The following AATF variants were observed in gnomAD, a reference collection of about 807,000 sequenced individuals.
The protein encoded by AATF is apoptosis antagonizing transcription factor, also known as protein AATF.
AATF carries 48 observed loss-of-function variants against 63.7 expected under a neutral mutation model. The observed-to-expected ratio is 0.75, with a 90% CI of 0.60 to 0.96. AATF has a LOEUF of 0.96. Among genes scored for constraint, AATF ranks in the 40% least tolerant of loss-of-function variants. The pLI, the probability that AATF is intolerant of heterozygous loss-of-function variation, is 0.00. For missense variants in AATF, 639 were observed against 685.7 expected, an observed-to-expected ratio of 0.93 and a Z score of 0.76; for synonymous variants, 258 against 247.7, an observed-to-expected ratio of 1.04 and a Z score of -0.39.
chr17:37,011,867 T>C (rs149729347), intron 8 of AATF, among the ~76,000 whole-genome samples: 2 of 152,236 alleles, frequency 1.3e-5, no homozygotes, highest in African/African-American at 4.8e-5. Flanking sequence ...GGTGGAGTTG[T>C]TGGTTCGGGA....
At chr17:37,039,531 A>G (rs2142310778) in intron 11 of AATF, among the ~76,000 whole-genome samples, 1 of 152,320 alleles carries the variant, frequency 6.6e-6, no homozygotes, top group Non-Finnish European at 1.5e-5. Context: ...ACAGCTTTGC[A>G]TTAACTCGGA....
At chr17:36,986,483 G>A (rs2071169634) in intron 4 of AATF, 134 bp from the exon 5 acceptor site, 1 of 667,936 alleles carries the variant, frequency 1.5e-6, no homozygotes, top group Non-Finnish European at 2.7e-6. Context: ...AGAGTATTTA[G>A]TTCCTGTGTG....
At chr17:37,037,602 G>A (rs901900348) in intron 11 of AATF, among the ~76,000 whole-genome samples, 1 of 152,176 alleles carries the variant, frequency 6.6e-6, no homozygotes, top group Non-Finnish European at 1.5e-5. Flanking sequence ...GGAGTATGAT[G>A]TGACCATTAA....
intron 11 of AATF, among the ~76,000 whole-genome samples, chr17:37,035,160 A>C (rs1181305834): frequency 6.6e-6 from 1 of 151,948 alleles, no homozygotes; most frequent in African/African-American, 2.4e-5. Context: ...TTCAAGGGCC[A>C]AAAACCATAA....
intron 4 of AATF, 28 bp from the exon 5 acceptor site, chr17:36,986,589 T>C: frequency 6.4e-7 from 1 of 1,571,300 alleles, no homozygotes; most frequent in Non-Finnish European, 8.8e-7. Context: ...GATAATTAAT[T>C]GTCCTTTCTC....
intron 4 of AATF, among the ~76,000 whole-genome samples, chr17:36,968,266 C>CTTTTTTTTTTTTTTTTTTTT (rs2071009164): frequency 4.0e-5 from 3 of 75,570 alleles, no homozygotes; most frequent in African/African-American, 1.6e-4. Flanking sequence ...TTCTTTCCTT[C>CTTTTTTTTTTTTTTTTTTTT]TTTCTTTTTT....
chr17:37,025,562 C>T (rs1388818262), intron 10 of AATF, among the ~76,000 whole-genome samples: 1 of 152,116 alleles, frequency 6.6e-6, no homozygotes, highest in Admixed American at 6.6e-5. Context: ...GGGTCAGGAG[C>T]GCCTGGTGCC....
intron 3 of AATF, 76 bp from the exon 4 acceptor site, chr17:36,953,694 T>C (rs2070875396): frequency 1.4e-6 from 2 of 1,448,580 alleles, no homozygotes; most frequent in East Asian, 4.5e-5. Context: ...TGGTTTCCTG[T>C]TCTTCCCCAC....
chr17:37,004,635 C>T (rs2071328426), intron 8 of AATF, among the ~76,000 whole-genome samples: 1 of 152,054 alleles, frequency 6.6e-6, no homozygotes, highest in Non-Finnish European at 1.5e-5. Context: ...AGAGCATGTG[C>T]AGAGTCCTCA....
chr17:36,966,665 A>AT, intron 4 of AATF, among the ~76,000 whole-genome samples: 1 of 152,166 alleles, frequency 6.6e-6, no homozygotes, highest in East Asian at 1.9e-4. Context: ...TAGGATGTAA[A>AT]TTTAAAGTTT....
chr17:36,988,654 C>T lies in AATF; in HGVS notation c.1083C>T (p.Val361=). 6.2e-7 allele frequency: 1 copy of T among 1,614,126 alleles called. No individual in the cohort carries two copies. Among genetic ancestry groups the T allele is most frequent in the Non-Finnish European group, 8.5e-7 (1 of 1,180,010 alleles). The stretch of plus-strand genomic sequence containing the variant: ...CAAAGCGCTTTGCCGACTTTACAGT[C>T]TACAGGAACCGCACACTTCAGAAAT... ...FMAKRFADFT[V]YRNRTLQKWH... is the part of the protein sequence containing the mutation. The change falls in exon 6 of 12, where the codon GTC becomes GTT. Residue 361 remains valine (V), a synonymous_variant. Transcript: ENST00000619387.
intron 8 of AATF, among the ~76,000 whole-genome samples, chr17:37,007,790 T>C (rs1244798056): frequency 6.6e-6 from 1 of 152,150 alleles, no homozygotes; most frequent in African/African-American, 2.4e-5. Context: ...TTAGATACTC[T>C]GAGGTTGGAA....
intron 4 of AATF, among the ~76,000 whole-genome samples, chr17:36,977,689 G>A (rs997494482): frequency 7.2e-5 from 11 of 152,014 alleles, no homozygotes; most frequent in Admixed American, 1.3e-4. Context: ...GAAAGTATCC[G>A]CACTCTCCCT....
chr17:36,971,744 C>A (rs1169879983), intron 4 of AATF, among the ~76,000 whole-genome samples: 1 of 152,132 alleles, frequency 6.6e-6, no homozygotes, highest in African/African-American at 2.4e-5. Context: ...TTGATACATG[C>A]AAAAACGTGG....
chr17:37,053,766 T>A (rs1040898411), intron 11 of AATF, among the ~76,000 whole-genome samples: 2 of 152,052 alleles, frequency 1.3e-5, no homozygotes, highest in Non-Finnish European at 1.5e-5. Flanking sequence ...CTTGGAAGGC[T>A]GAGGCAGGAG....
At chr17:36,984,165 T>A (rs1395547806) in intron 4 of AATF, among the ~76,000 whole-genome samples, 1 of 152,206 alleles carries the variant, frequency 6.6e-6, no homozygotes, top group East Asian at 1.9e-4. Context: ...AATGTAAATA[T>A]ATGAATGTCG....
chr17:36,980,353 A>G (rs558063215), intron 4 of AATF: 1 of 152,292 alleles, frequency 6.6e-6, no homozygotes, highest in Admixed American at 6.5e-5. Context: ...GTCCTTCTTA[A>G]TCTCCTCTTA....
intron 11 of AATF, among the ~76,000 whole-genome samples, chr17:37,039,450 C>T (rs1277047089): frequency 6.6e-6 from 1 of 152,216 alleles, no homozygotes; most frequent in Non-Finnish European, 1.5e-5. Context: ...TAGAGGTTCC[C>T]TCTCTTCCTT....
In AATF at chr17:36,985,271, G is replaced by T. The variant is rs561727062; in HGVS notation, c.833-1346G>T. On this transcript the variant is annotated intron_variant, in intron 4 of 11. Coordinates refer to ENST00000619387, the MANE Select transcript of AATF (RefSeq NM_012138.4). Reference sequence around the variant, plus strand: ...GGATGAGGTTTGTTCAGTGTGTGTGGTTTTTTTTGGAGACAGGGTCTCACC... The same window carrying T: ...GGATGAGGTTTGTTCAGTGTGTGTGTTTTTTTTTGGAGACAGGGTCTCACC... Among the ~76,000 whole-genome samples, 193 of 151,470 alleles carry T rather than the reference G, an allele frequency of 1.3e-3. 1 individual carries two copies. The highest frequency in any genetic ancestry group is 4.5e-3 in the African/African-American group (185 of 41,322).
Sources: allele counts gnomAD v4.1 joint callset (sites outside exome capture counted in the v4.1 genomes callset), GRCh38; gene constraint gnomAD v4.1.1; transcripts MANE v1.5; gene names NCBI Gene and HGNC (gene_info 2026-07-23, HGNC 2026-07-21).